Variants in MB observed in about 807,000 individuals in gnomAD.
The protein encoded by MB is myoglobin.
In MB, 10 loss-of-function variants were observed where a neutral mutation model predicts 14.5. That is an observed-to-expected ratio of 0.69 (90% CI 0.43 to 1.17). The LOEUF (loss-of-function observed/expected upper bound fraction) is 1.17. Ranked by LOEUF, MB falls within the 50% of genes most tolerant of loss-of-function variation. The pLI, the probability that MB is intolerant of heterozygous loss-of-function variation, is 0.00. For synonymous variants in MB, 89 were observed against 78.6 expected, an observed-to-expected ratio of 1.13 and a Z score of -0.70; for missense variants, 169 against 192.7, an observed-to-expected ratio of 0.88 and a Z score of 0.73.
At chr22:35,621,212 TACACACACGC>T (rs1293293988), upstream of MB, among the ~76,000 whole-genome samples, 1 of 152,168 alleles carries the variant, frequency 6.6e-6, no homozygotes, top group Non-Finnish European at 1.5e-5. Context: ...ACGCTCATGC[TACACACACGC>T]ACACACACGC....
At chr22:35,616,763 C>T (rs1241844614) in intron 1 of MB, among the ~76,000 whole-genome samples, 3 of 152,172 alleles carry the variant, frequency 2.0e-5, no homozygotes, top group African/African-American at 7.2e-5. Flanking sequence ...AACCTTGACA[C>T]TTTAAGAGCA....
At chr22:35,617,393 G>A (rs1157589454), upstream of MB, 2 of 633,340 alleles carry the variant, frequency 3.2e-6, no homozygotes, top group Non-Finnish European at 5.7e-6. Flanking sequence ...ATCGCTCAAT[G>A]GCTCGCTGTC....
upstream of MB, chr22:35,617,439 T>A (rs1343263512): frequency 6.7e-6 from 4 of 598,348 alleles, no homozygotes; most frequent in African/African-American, 7.5e-5. Context: ...CTCTCTCTCA[T>A]CCAGGGAGGG....
chr22:35,612,827 T>C (rs1303074184), intron 1 of MB, among the ~76,000 whole-genome samples: 1 of 152,184 alleles, frequency 6.6e-6, no homozygotes, highest in Non-Finnish European at 1.5e-5. Flanking sequence ...CACGTGTACA[T>C]GCATGCAGGC....
upstream of MB, among the ~76,000 whole-genome samples, chr22:35,620,329 A>G (rs1344413299): frequency 2.0e-5 from 3 of 152,192 alleles, no homozygotes; most frequent in South Asian, 2.1e-4. Flanking sequence ...CTCCATCTCA[A>G]AAAGAAAAAA....
At chr22:35,616,028 G>A (rs946362213) in intron 1 of MB, among the ~76,000 whole-genome samples, 2 of 152,208 alleles carry the variant, frequency 1.3e-5, no homozygotes, top group Non-Finnish European at 2.9e-5. Context: ...AAGCCCAAGG[G>A]AGACCCAAAG....
intron 2 of MB, 131 bp downstream of exon 2, chr22:35,610,753 C>G: frequency 1.4e-6 from 1 of 697,488 alleles, no homozygotes; most frequent in Non-Finnish European, 2.4e-6. Flanking sequence ...AAATGAGAAA[C>G]CTGGGGCACA....
At chr22:35,621,660 A>G (rs1047499454), upstream of MB, among the ~76,000 whole-genome samples, 1 of 152,202 alleles carries the variant, frequency 6.6e-6, no homozygotes. Context: ...ATCCTTTTTT[A>G]TGTCGAACCA....
rs1264544729 is a variant in MB at position 35,608,284 on chromosome 22, G to T, written c.319-841C>A. ...ACAGCCCTGGCTGGTGCACCAAGGA[G>T]TGTCGTTTTACAGAGGAGAAAATCA... On this transcript the variant is annotated intron_variant, in intron 2 of 2. Coordinates refer to ENST00000397326, the MANE Select transcript of MB (RefSeq NM_005368.3). This position sits in a 1 kb window ranked among gnomAD's most constrained non-coding sequence, Gnocchi z 4.3. Among the ~76,000 whole-genome samples, 1 of 152,230 alleles carries T rather than the reference G, an allele frequency of 6.6e-6. No homozygotes were observed. The highest frequency in any genetic ancestry group is 1.5e-5 in the Non-Finnish European group (1 of 68,040).
chr22:35,620,383 G>T (rs539355953), upstream of MB, among the ~76,000 whole-genome samples: 5 of 152,318 alleles, frequency 3.3e-5, no homozygotes, highest in African/African-American at 9.6e-5. Context: ...CATTCATTCA[G>T]TCAGTCAGTC....
At chr22:35,620,797 T>A (rs1923412885), upstream of MB, among the ~76,000 whole-genome samples, 1 of 152,178 alleles carries the variant, frequency 6.6e-6, no homozygotes, top group Non-Finnish European at 1.5e-5. Context: ...ATCCCAGCTC[T>A]TCTCCCGTCT....
upstream of MB, chr22:35,617,449 G>T (rs539076171): frequency 8.4e-6 from 5 of 592,966 alleles, no homozygotes; most frequent in African/African-American, 9.3e-5. Flanking sequence ...TCCAGGGAGG[G>T]TCTAATCTTT....
chr22:35,609,768 G>A (rs1922448599), intron 2 of MB, among the ~76,000 whole-genome samples: 1 of 152,198 alleles, frequency 6.6e-6, no homozygotes, highest in African/African-American at 2.4e-5. Context: ...CTTGGTAACA[G>A]AACACTAGTT....
intron 1 of MB, among the ~76,000 whole-genome samples, chr22:35,616,430 C>T (rs1001138645): frequency 6.6e-6 from 1 of 152,214 alleles, no homozygotes; most frequent in Non-Finnish European, 1.5e-5. Context: ...ACATACTCAA[C>T]ATCGAAGGTC....
intron 1 of MB, among the ~76,000 whole-genome samples, chr22:35,612,710 G>C (rs1320910550): frequency 6.6e-6 from 1 of 152,210 alleles, no homozygotes; most frequent in East Asian, 1.9e-4. Context: ...AACCCAGGCA[G>C]TCTGGCTTCA....
intron 2 of MB, among the ~76,000 whole-genome samples, chr22:35,609,101 C>T (rs527565053): frequency 4.5e-4 from 69 of 152,310 alleles, no homozygotes; most frequent in African/African-American, 1.6e-3. Flanking sequence ...ATCCAACACT[C>T]GGCTTCTTCC....
upstream of MB, among the ~76,000 whole-genome samples, chr22:35,621,468 T>C (rs5995128): frequency 8.6e-4 from 131 of 152,272 alleles, 1 homozygote; most frequent in African/African-American, 3.1e-3. Flanking sequence ...GATTCCAGAC[T>C]TATAGAGAGC....
rs1922217610 is a variant in MB, at chr22:35,607,325, T to C, written c.437A>G (p.Asn146Ser). The C allele has an allele frequency of 6.2e-7, 1 of 1,613,654 alleles. No homozygotes were observed. Among genetic ancestry groups the C allele is most frequent in the Non-Finnish European group, 8.5e-7 (1 of 1,179,718 alleles). The change falls in exon 3 of 3, where the codon AAC (asparagine) becomes AGC (serine). Residue 146 changes from asparagine (N) to serine (S), a missense_variant. By Grantham distance (46) the Asn-to-Ser change is conservative. Coordinates refer to ENST00000397326, the MANE Select transcript of MB (RefSeq NM_005368.3). ...GCCCTGGAAGCCCAGCTCCTTGTAG[T>C]TGGAGGCCATGTCCTTCCGGAACAG... The part of the protein sequence containing the change: ...LELFRKDMAS[N>S]YKELGFQG
rs1401931935 is a variant in MB, at chr22:35,610,940, T to C, written c.262A>G (p.Lys88Glu). 6.2e-7 allele frequency: 1 copy of C among 1,614,204 alleles called. No homozygotes were observed. The change falls in exon 2 of 3, where the codon AAG (lysine) becomes GAG (glutamate). Residue 88 changes from lysine (K) to glutamate (E), a missense_variant. By Grantham distance (56) the Lys-to-Glu change is moderately conservative. Transcript: ENST00000397326. ...KKKGHHEAEI[K>E]PLAQSHATKH... is the part of the protein sequence containing the mutation. ...GTGGCATGCGACTGTGCCAGGGGCT[T>C]AATCTCTGCCTCATGATGCCCCTTC...
Sources: allele counts gnomAD v4.1 joint callset (sites outside exome capture counted in the v4.1 genomes callset), GRCh38; gene constraint gnomAD v4.1.1; non-coding constraint Gnocchi (gnomAD v3.1); transcripts MANE v1.5; gene names NCBI Gene and HGNC (gene_info 2026-07-23, HGNC 2026-07-21).